The following HSP90AA1 variants were observed in gnomAD, a reference collection of about 807,000 sequenced individuals.
HSP90AA1 encodes heat shock protein HSP 90-alpha.
A neutral mutation model predicts 73.3 loss-of-function variants in HSP90AA1; 18 were observed. The observed-to-expected ratio is 0.25, with a 90% confidence interval of 0.17 to 0.36. HSP90AA1 has a LOEUF of 0.36. Ranked by LOEUF, HSP90AA1 falls within the 10% of genes least tolerant of loss-of-function variation. The probability of loss-of-function intolerance (pLI) is 1.00; values close to 1 mark genes in which losing one functional copy is unlikely to be tolerated. For synonymous variants in HSP90AA1, 477 were observed against 296.9 expected (o/e 1.61, Z -6.24); for missense variants, 704 against 874.2 (o/e 0.81, Z 2.45).
chr14:102,082,356 T>C lies in HSP90AA1; in HGVS notation c.1844A>G (p.Lys615Arg), dbSNP rs1230374975. 2 of 1,613,900 alleles carry C rather than the reference T, an allele frequency of 1.2e-6. No homozygotes were observed. Among genetic ancestry groups the C allele is most frequent in the Non-Finnish European group, 1.7e-6 (2 of 1,179,916 alleles). ...GWTANMERIM[K>R]AQALRDNSTM... The stretch of plus-strand genomic sequence containing the variant: ...TGAGTTGTCTCTTAGGGCTTGAGCT[T>C]TCATGATTCTCTCCATGTTTGCTGT... The change falls in exon 10 of 11, where the codon AAA (lysine) becomes AGA (arginine). Residue 615 changes from lysine to arginine, a missense_variant. Coordinates refer to ENST00000216281, the MANE Select transcript of HSP90AA1 (RefSeq NM_005348.4).
At chr14:102,089,526 C>T (rs1197971580), upstream of HSP90AA1, among the ~76,000 whole-genome samples, 1 of 152,230 alleles carries the variant, frequency 6.6e-6, no homozygotes, top group Non-Finnish European at 1.5e-5. Context: ...CTTCTCTCTT[C>T]TCAGACTCAT....
chr14:102,082,832 G>A, intron 9 of HSP90AA1: 1 of 616,112 alleles, frequency 1.6e-6, no homozygotes. Flanking sequence ...GTGTTAGCCA[G>A]GATGGTCTCG....
intron 2 of HSP90AA1, among the ~76,000 whole-genome samples, chr14:102,093,182 G>A (rs1457676363): frequency 6.6e-6 from 1 of 150,670 alleles, no homozygotes; most frequent in African/African-American, 2.4e-5. Flanking sequence ...GTGTAGTGTG[G>A]GAAAAGTAAA....
chr14:102,095,678 C>T (rs2049414894), intron 2 of HSP90AA1, among the ~76,000 whole-genome samples: 1 of 152,222 alleles, frequency 6.6e-6, no homozygotes, highest in Non-Finnish European at 1.5e-5. Context: ...CCCTTGAACT[C>T]ACCTTCAAAT....
At chr14:102,085,212 G>A (rs1024199449) in intron 4 of HSP90AA1, 86 bp downstream of exon 4, 3 of 1,483,496 alleles carry the variant, frequency 2.0e-6, no homozygotes, top group East Asian at 2.3e-5. Flanking sequence ...CAGACTAGTT[G>A]AACAGATCTA....
chr14:102,110,803 G>T, intron 1 of HSP90AA1, among the ~76,000 whole-genome samples: 1 of 152,156 alleles, frequency 6.6e-6, no homozygotes, highest in Non-Finnish European at 1.5e-5. Flanking sequence ...GGATGGTCTC[G>T]ATCTCCTGAC....
chr14:102,108,755 T>G (rs2049603384), intron 1 of HSP90AA1, among the ~76,000 whole-genome samples: 1 of 152,042 alleles, frequency 6.6e-6, no homozygotes. Flanking sequence ...CAGGTTGGTC[T>G]TGAACTCCTG....
chr14:102,116,974 G>C (rs948030654), intron 1 of HSP90AA1, among the ~76,000 whole-genome samples: 1 of 152,162 alleles, frequency 6.6e-6, no homozygotes, highest in East Asian at 1.9e-4. Flanking sequence ...TGCTTCTGCT[G>C]CCTGGCCTCT....
At chr14:102,094,300 T>G (rs2049396755) in intron 2 of HSP90AA1, among the ~76,000 whole-genome samples, 1 of 152,248 alleles carries the variant, frequency 6.6e-6, no homozygotes, top group Non-Finnish European at 1.5e-5. Context: ...GGAGCCTTAC[T>G]GTTCATTATT....
chr14:102,126,056 A>G (rs541612873), intron 1 of HSP90AA1, among the ~76,000 whole-genome samples: 10 of 152,344 alleles, frequency 6.6e-5, no homozygotes, highest in South Asian at 2.1e-4. Flanking sequence ...ATAAGGTGAC[A>G]TAACTTACAT....
intron 1 of HSP90AA1, among the ~76,000 whole-genome samples, chr14:102,124,838 TTTATG>T (rs754485839): frequency 4.3e-4 from 65 of 152,208 alleles, no homozygotes; most frequent in Non-Finnish European, 6.6e-4. Context: ...ATGAATAGAA[TTTATG>T]TTATGTCTTT....
At chr14:102,132,294 G>A (rs1392323212) in intron 1 of HSP90AA1, among the ~76,000 whole-genome samples, 2 of 152,122 alleles carry the variant, frequency 1.3e-5, no homozygotes, top group Non-Finnish European at 2.9e-5. Context: ...TTGAACCCGG[G>A]TGGTGGAGGT....
intron 1 of HSP90AA1, among the ~76,000 whole-genome samples, chr14:102,109,052 A>C (rs2049606390): frequency 6.6e-6 from 1 of 152,154 alleles, no homozygotes; most frequent in African/African-American, 2.4e-5. Flanking sequence ...TACTTGATAC[A>C]CTTTTACAGC....
intron 1 of HSP90AA1, among the ~76,000 whole-genome samples, chr14:102,113,660 G>A (rs578226376): frequency 2.0e-5 from 3 of 152,166 alleles, no homozygotes; most frequent in East Asian, 1.9e-4. Context: ...GGATACAAGC[G>A]TGAGCCACCG....
intron 2 of HSP90AA1, among the ~76,000 whole-genome samples, chr14:102,093,010 G>C (rs2152616965): frequency 6.6e-6 from 1 of 152,104 alleles, no homozygotes; most frequent in East Asian, 1.9e-4. Context: ...CTCCCAAAAT[G>C]CTGGGGTTAC....
Position 102,126,289 on chromosome 14 carries a change from A to C in HSP90AA1, c.155+12961T>G, listed in dbSNP as rs532751589. On this transcript the variant is annotated intron_variant, in intron 1 of 11. Coordinates refer to the HSP90AA1 transcript ENST00000334701. ...GGTATGAGGAACTACAAGTTACCAT[A>C]GCTCAGTAAGGGGACACGTGGACAT... Among the ~76,000 whole-genome samples, 11 of 152,368 alleles carry C rather than the reference A, an allele frequency of 7.2e-5. 1 individual carries two copies. The South Asian group carries it at 1.7e-3, about 23-fold the overall frequency.
At chr14:102,108,297 G>A (rs766918113) in intron 1 of HSP90AA1, among the ~76,000 whole-genome samples, 8 of 146,676 alleles carry the variant, frequency 5.5e-5, no homozygotes, top group South Asian at 4.3e-4. Context: ...ATTGGGCCTC[G>A]TTCTGTTGCC....
intron 1 of HSP90AA1, 106 bp from the exon 2 acceptor site, chr14:102,086,484 CG>C: frequency 7.4e-7 from 1 of 1,352,102 alleles, no homozygotes; most frequent in African/African-American, 1.4e-5. Flanking sequence ...TGGAGATTTG[CG>C]AAGTTTAAGT....
chr14:102,114,139 G>A lies in HSP90AA1; in HGVS notation c.156-12054C>T, dbSNP rs973152117. Among the ~76,000 whole-genome samples, 5 of 152,014 alleles carry A rather than the reference G, an allele frequency of 3.3e-5. No individual in the cohort carries two copies. In the East Asian group the frequency reaches 5.8e-4, roughly 18 times the overall value. On this transcript the variant is annotated intron_variant, in intron 1 of 11. Coordinates refer to the HSP90AA1 transcript ENST00000334701. ...CGAGTAGCTGGGACTACAGGCGTGC[G>A]CTAGCACACTGGGCTAATTTTTATA... is the stretch of plus-strand genomic sequence containing the variant.
Sources: gnomAD v4.1 joint callset for allele counts (sites outside exome capture counted in the v4.1 genomes callset) on GRCh38, gnomAD v4.1.1 for gene constraint, MANE v1.5 for transcripts, NCBI Gene and HGNC (gene_info 2026-07-23, HGNC 2026-07-21) for gene names.